SOBP: variants seen among roughly 807,000 people sequenced by gnomAD.
SOBP encodes sine oculis-binding protein homolog.
SOBP carries 4 observed loss-of-function variants against 53.6 expected under a neutral mutation model. The ratio of observed to expected loss-of-function variants is 0.07; its 90% CI spans 0.04 to 0.17. SOBP has a LOEUF of 0.17. SOBP is among the 10% of genes least tolerant of loss of function. The pLI, the probability that SOBP is intolerant of heterozygous loss-of-function variation, is 1.00. For synonymous variants in SOBP, 584 were observed against 522.6 expected (o/e 1.12, Z -1.60); for missense variants, 1,088 against 1,204.7 (o/e 0.90, Z 1.43).
At chr6:107,615,587 C>A (rs187048732) in intron 5 of SOBP, among the ~76,000 whole-genome samples, 36 of 152,234 alleles carry the variant, frequency 2.4e-4, no homozygotes, top group South Asian at 1.0e-3. Context: ...ATAGAATGTG[C>A]TTGGTTTTTT....
intron 5 of SOBP, among the ~76,000 whole-genome samples, chr6:107,629,695 C>T (rs529237136): frequency 1.3e-5 from 2 of 152,152 alleles, no homozygotes; most frequent in South Asian, 2.1e-4. Context: ...AGCAGTTGAG[C>T]GGTGTAGGTT....
chr6:107,606,249 G>C (rs907112159), intron 5 of SOBP, among the ~76,000 whole-genome samples: 1 of 151,804 alleles, frequency 6.6e-6, no homozygotes, highest in Admixed American at 6.6e-5. Flanking sequence ...GCTAATTTTT[G>C]TATTTTTAGT....
In SOBP at chr6:107,635,481, C is replaced by T. The variant is rs1359913098; in HGVS notation, c.*3+12C>T. 1 of 1,611,680 alleles carries T rather than the reference C, an allele frequency of 6.2e-7. No homozygotes were observed. Among genetic ancestry groups the T allele is most frequent in the Non-Finnish European group, 8.5e-7 (1 of 1,179,968 alleles). The stretch of plus-strand genomic sequence containing the variant: ...AGAATAAGTAAAAGGTTTGTATGTC[C>T]GCCGGGCGCTCCTCCACACCAGCCA... On this transcript the variant is annotated intron_variant, in intron 6 of 6. Transcript: ENST00000317357. This position sits in a 1 kb window ranked among gnomAD's most constrained non-coding sequence, Gnocchi z 4.5.
chr6:107,627,287 G>C (rs1174527191), intron 5 of SOBP, among the ~76,000 whole-genome samples: 2 of 152,156 alleles, frequency 1.3e-5, no homozygotes, highest in Admixed American at 6.5e-5. Context: ...TCCATCTCTT[G>C]CATTGGCTGT....
intron 3 of SOBP, among the ~76,000 whole-genome samples, chr6:107,530,077 G>C (rs1318424130): frequency 6.6e-6 from 1 of 152,140 alleles, no homozygotes; most frequent in African/African-American, 2.4e-5. Context: ...GCTGATGGCT[G>C]TAAGGTAATG....
intron 4 of SOBP, among the ~76,000 whole-genome samples, chr6:107,554,600 G>A (rs1010488855): frequency 1.3e-5 from 2 of 152,216 alleles, no homozygotes; most frequent in African/African-American, 2.4e-5. Context: ...TGGGAGGGCT[G>A]CTGGGGGAAG....
chr6:107,635,022 C>A lies in SOBP; in HGVS notation c.2178C>A (p.Gly726=). 1 of 1,216,946 alleles carries A rather than the reference C, an allele frequency of 8.2e-7. No individual in the cohort carries two copies. The allele number at this position is 1,216,946 out of a possible 1,614,324, so 75.4% of individuals were successfully genotyped here. A position where few individuals can be genotyped will look rare whatever the true frequency, so the allele number is the denominator to read the frequency against. Residue 726 remains glycine, a synonymous_variant, in exon 6 of 7, where the codon GGC becomes GGA. Transcript: ENST00000317357. This position sits in a 1 kb window ranked among gnomAD's most constrained non-coding sequence, Gnocchi z 4.5. Reference sequence around the variant, plus strand: ...CGGCCTGCAACGTCATCGTGAACGGCACGCGCGGCGCCGCCGCCGAGGGCG... The same window carrying A: ...CGGCCTGCAACGTCATCGTGAACGGAACGCGCGGCGCCGCCGCCGAGGGCG... ...AAAACNVIVN[G]TRGAAAEGAK... is the part of the protein sequence containing the mutation.
chr6:107,534,391 C>G (rs1401861514), intron 4 of SOBP, among the ~76,000 whole-genome samples: 1 of 152,200 alleles, frequency 6.6e-6, no homozygotes, highest in Non-Finnish European at 1.5e-5. Context: ...GCCTTTGCCA[C>G]CAACTACTGC....
At chr6:107,543,298 G>C (rs867316432) in intron 4 of SOBP, among the ~76,000 whole-genome samples, 2 of 152,152 alleles carry the variant, frequency 1.3e-5, no homozygotes, top group Non-Finnish European at 1.5e-5. Context: ...GCTCCCCAGT[G>C]GTCATGGGAC....
chr6:107,556,964 A>G (rs1350587052), intron 4 of SOBP, among the ~76,000 whole-genome samples: 3 of 152,268 alleles, frequency 2.0e-5, no homozygotes, highest in African/African-American at 4.8e-5. Flanking sequence ...GTATGTCATT[A>G]ATAGCAGTAA....
rs1782542596 is a variant in SOBP at position 107,490,328 on chromosome 6, T to TGCGGCGGCGGCGTTGGCTGCG, written c.-277_-276insTTGGCTGCGGCGGCGGCGGCG. The TGCGGCGGCGGCGTTGGCTGCG allele has an allele frequency of 6.6e-6, 1 of 150,834 alleles. No homozygotes were observed. Among genetic ancestry groups the TGCGGCGGCGGCGTTGGCTGCG allele is most frequent in the African/African-American group, 2.5e-5 (1 of 39,726 alleles). 9.3% of individuals were successfully genotyped at this position (150,834 alleles called of 1,614,324 possible). A position where few individuals can be genotyped will look rare whatever the true frequency, so the allele number is the denominator to read the frequency against. On this transcript the variant is annotated 5_prime_UTR_variant, in exon 1 of 7. Coordinates refer to ENST00000317357, the MANE Select transcript of SOBP (RefSeq NM_018013.4). Reference sequence around the variant, plus strand: ...CAGCGGCAGCAGCGGCGGCGTTGGCTGCGGCGGCGGCGGCGGCGGCAGCAG... The same window carrying TGCGGCGGCGGCGTTGGCTGCG: ...CAGCGGCAGCAGCGGCGGCGTTGGCTGCGGCGGCGGCGTTGGCTGCGGCGGCGGCGGCGGCGGCGGCAGCAG...
In SOBP at chr6:107,533,461, G is replaced by A; in HGVS notation, c.424G>A (p.Asp142Asn). 1.2e-6 allele frequency: 2 copies of A among 1,614,070 alleles called. No individual in the cohort carries two copies. The highest frequency in any genetic ancestry group is 1.7e-6 in the Non-Finnish European group (2 of 1,179,980). ...TTTTTCTTATACTTTTATTATAGAA[G>A]ATGATGTGTCAAATGTACAAATAAT... Reference protein sequence around the residue: ...PPPFIKPPAEDDVSNVQIMCA... With the variant: ...PPPFIKPPAENDVSNVQIMCA... Residue 142 changes from aspartate (D) to asparagine (N), a missense_variant and splice_region_variant, in exon 4 of 7, where the codon GAT (aspartate) becomes AAT (asparagine). Physicochemically the swap from Asp to Asn is conservative, Grantham distance 23 (BLOSUM62 1). Transcript: ENST00000317357.
chr6:107,615,245 A>G (rs2115108639), intron 5 of SOBP, among the ~76,000 whole-genome samples: 1 of 152,358 alleles, frequency 6.6e-6, no homozygotes, highest in East Asian at 1.9e-4. Flanking sequence ...AGAGGAAGGA[A>G]GGAATTTATT....
At chr6:107,648,834 G>T (rs1345824462) in intron 6 of SOBP, among the ~76,000 whole-genome samples, 4 of 152,072 alleles carry the variant, frequency 2.6e-5, no homozygotes, top group Non-Finnish European at 5.9e-5. Flanking sequence ...CAGTAGCATT[G>T]CTGTTTGCTT....
At chr6:107,507,150 G>A (rs1783019408) in intron 3 of SOBP, among the ~76,000 whole-genome samples, 1 of 151,992 alleles carries the variant, frequency 6.6e-6, no homozygotes, top group Admixed American at 6.5e-5. Context: ...CTGAGGAGAG[G>A]GATAGTTTTG....
At chr6:107,577,888 A>G (rs1169297747) in intron 4 of SOBP, among the ~76,000 whole-genome samples, 2 of 152,142 alleles carry the variant, frequency 1.3e-5, no homozygotes, top group Admixed American at 6.5e-5. Flanking sequence ...CCTGGCTAAC[A>G]CGGTGAAACT....
chr6:107,625,623 A>T (rs1316720927), intron 5 of SOBP, among the ~76,000 whole-genome samples: 1 of 152,150 alleles, frequency 6.6e-6, no homozygotes, highest in Non-Finnish European at 1.5e-5. Flanking sequence ...GTGGTGTTTC[A>T]GGGGTACCAC....
In SOBP at chr6:107,633,830, C is replaced by A; in HGVS notation, c.986C>A (p.Ser329Tyr). ...AGCCAGGGCCCTGGCCCGTCGGCGT[C>A]CACCACCGTCTCTCCATCTGACACT... ...GQSQGPGPSA[S>Y]TTVSPSDTAN... The change falls in exon 6 of 7, where the codon TCC becomes TAC. Residue 329 changes from serine to tyrosine, a missense_variant. By Grantham distance (144) the Ser-to-Tyr change is moderately radical. Around this residue, in one of 6 missense-constraint regions of SOBP, gnomAD observed 211 missense variants for 258.9 expected, o/e 0.82. Coordinates refer to ENST00000317357, the MANE Select transcript of SOBP (RefSeq NM_018013.4). The A allele has an allele frequency of 6.2e-7, 1 of 1,614,122 alleles. No homozygotes were observed. The highest frequency in any genetic ancestry group is 8.5e-7 in the Non-Finnish European group (1 of 1,180,020).
chr6:107,635,106 C>A lies in SOBP; in HGVS notation c.2262C>A (p.Pro754=), dbSNP rs772826214. The A allele has an allele frequency of 6.2e-7, 1 of 1,609,026 alleles. No homozygotes were observed. Among genetic ancestry groups the A allele is most frequent in the South Asian group, 1.1e-5 (1 of 90,826 alleles). ...CGCCGCCGCCGCCGCCCGCGCCCCC[C>A]AAGAAGCTGCTGTCGCCTGAGGAAC... The part of the protein sequence containing the change: ...QPPPPPPPAP[P]KKLLSPEEPA... The change falls in exon 6 of 7, where the codon CCC becomes CCA. Residue 754 remains proline, a synonymous_variant. Transcript: ENST00000317357. This position sits in a 1 kb window ranked among gnomAD's most constrained non-coding sequence, Gnocchi z 4.5.
Sources: gnomAD v4.1 joint callset for allele counts (sites outside exome capture counted in the v4.1 genomes callset) on GRCh38, gnomAD v4.1.1 for gene constraint, gnomAD v4.1.1 regional missense constraint, Gnocchi (gnomAD v3.1) non-coding constraint, MANE v1.5 for transcripts, NCBI Gene and HGNC (gene_info 2026-07-23, HGNC 2026-07-21) for gene names.